The following RPL35A variants were observed in gnomAD, a reference collection of about 807,000 sequenced individuals.
RPL35A encodes the protein large ribosomal subunit protein eL33.
In RPL35A, 1 loss-of-function variant was observed where a neutral mutation model predicts 16.7. The observed-to-expected ratio is 0.06, with a 90% CI of 0.02 to 0.28. The LOEUF is 0.28. Ranked by LOEUF, RPL35A falls within the 10% of genes least tolerant of loss-of-function variation. RPL35A has a pLI of 1.00. For synonymous variants in RPL35A, 58 were observed against 47.0 expected (o/e 1.23, Z -0.96); for missense variants, 91 against 138.7 (o/e 0.66, Z 1.73).
chr3:197,950,723 A>C, intron 1 of RPL35A: 1 of 589,962 alleles, frequency 1.7e-6, no homozygotes, highest in Non-Finnish European at 3.0e-6. Context: ...TTTTGTCTTC[A>C]TTCTGAAGTT....
At chr3:197,953,526 G>A (rs550681638) in intron 3 of RPL35A, 8 of 457,082 alleles carry the variant, frequency 1.8e-5, no homozygotes, top group African/African-American at 1.6e-4. Context: ...CTTTCTTCCG[G>A]CCAGGACACA....
intron 4 of RPL35A, among the ~76,000 whole-genome samples, chr3:197,954,883 AC>A (rs1201580788): frequency 1.3e-5 from 2 of 152,324 alleles, no homozygotes; most frequent in East Asian, 3.9e-4. Flanking sequence ...TTCAACAGTT[AC>A]GCCTGGCATA....
chr3:197,953,772 G>A, intron 3 of RPL35A: 1 of 594,222 alleles, frequency 1.7e-6, no homozygotes, highest in East Asian at 2.9e-5. Context: ...AAACTTACTT[G>A]GTTATCATGT....
chr3:197,954,585 C>G, intron 4 of RPL35A: 1 of 259,338 alleles, frequency 3.9e-6, no homozygotes, highest in Non-Finnish European at 7.6e-6. Context: ...TCTCAGCTTG[C>G]TGCTACCTTT....
At chr3:197,955,322 G>A (rs1390287849) in intron 4 of RPL35A, among the ~76,000 whole-genome samples, 1 of 151,386 alleles carries the variant, frequency 6.6e-6, no homozygotes, top group Non-Finnish European at 1.5e-5. Flanking sequence ...AGGCTGGAGT[G>A]CAGTGGTGGG....
intron 4 of RPL35A, 96 bp from the exon 5 acceptor site, chr3:197,955,654 T>C: frequency 9.2e-7 from 1 of 1,087,904 alleles, no homozygotes; most frequent in Non-Finnish European, 1.4e-6. Context: ...AACATGTAAT[T>C]GGTAGCCTTT....
Position 197,955,793 on chromosome 3 carries a change from A to G in RPL35A, c.*20A>G, listed in dbSNP as rs747121376. 1.3e-6 allele frequency: 2 copies of G among 1,585,084 alleles called. No individual in the cohort carries two copies. The highest frequency in any genetic ancestry group is 1.7e-6 in the Non-Finnish European group (2 of 1,155,454). Reference sequence around the variant, plus strand: ...ATTTAAACTAACGAAAAATCAATAAATAAATGTGGATTTGTGCTCTTGTAT... The same window carrying G: ...ATTTAAACTAACGAAAAATCAATAAGTAAATGTGGATTTGTGCTCTTGTAT... On this transcript the variant is annotated 3_prime_UTR_variant, in exon 5 of 5. Coordinates refer to ENST00000647248, the MANE Select transcript of RPL35A (RefSeq NM_000996.4).
intron 3 of RPL35A, among the ~76,000 whole-genome samples, chr3:197,952,361 G>A (rs957033700): frequency 6.6e-6 from 1 of 151,488 alleles, no homozygotes; most frequent in East Asian, 1.9e-4. Context: ...GTAGAGATGG[G>A]GTTTCACCAT....
chr3:197,953,832 A>G (rs771947010), intron 3 of RPL35A, 171 bp from the exon 4 acceptor site: 1 of 689,374 alleles, frequency 1.5e-6, no homozygotes, highest in African/African-American at 1.8e-5. Context: ...GGCCTGGCAT[A>G]CAATAGTTAC....
At chr3:197,953,778 C>T in intron 3 of RPL35A, 1 of 601,480 alleles carries the variant, frequency 1.7e-6, no homozygotes, top group Non-Finnish European at 3.0e-6. Context: ...ACTTGGTTAT[C>T]ATGTGAAAGA....
intron 3 of RPL35A, among the ~76,000 whole-genome samples, chr3:197,953,255 T>G (rs976467004): frequency 2.0e-5 from 3 of 152,216 alleles, no homozygotes; most frequent in Non-Finnish European, 4.4e-5. Context: ...CTCACACTTG[T>G]AGCCCCAGCA....
rs541454864 is a variant in RPL35A at position 197,951,154 on chromosome 3, C to G, written c.12-5C>G. The G allele has an allele frequency of 4.1e-5, 66 of 1,614,038 alleles. No individual in the cohort carries two copies. The Middle Eastern group carries it at 2.0e-3, about 49-fold the overall frequency. On this transcript the variant is annotated splice_polypyrimidine_tract_variant and splice_region_variant and intron_variant, in intron 2 of 4. Transcript: ENST00000647248. ...GTTTCATGTTGTGTATCTTTTGTGT[C>G]TTAGGCTGTGGTCCAAGGCCATTTT...
chr3:197,955,996 T>A lies in RPL35A; in HGVS notation c.*223T>A. 1 of 537,950 alleles carries A rather than the reference T, an allele frequency of 1.9e-6. No homozygotes were observed. Among genetic ancestry groups the A allele is most frequent in the East Asian group, 3.3e-5 (1 of 30,308 alleles). 33.3% of individuals were successfully genotyped at this position (537,950 alleles called of 1,614,324 possible). A position where few individuals can be genotyped will look rare whatever the true frequency, so the allele number is the denominator to read the frequency against. On this transcript the variant is annotated 3_prime_UTR_variant, in exon 5 of 5. Transcript: ENST00000647248. ...TTTAATGCGAGTATCTTTGACAGAG[T>A]CTTGCTCTGTTGCCCATGCTGGAGT...
Position 197,952,074 on chromosome 3 carries a change from AT to A in RPL35A, c.164+771del, listed in dbSNP as rs561471728. Among the ~76,000 whole-genome samples, 3 of 148,178 alleles carry A rather than the reference AT, an allele frequency of 2.0e-5. No homozygotes were observed. In the Admixed American group the frequency reaches 2.0e-4, roughly 10 times the overall value. ...TATTGTGATCCTTTTAAGGTTTCTA[AT>A]TTTTTTTCTCGGCTCCTTTTGCCAG... On this transcript the variant is annotated intron_variant, in intron 3 of 4. Transcript: ENST00000647248.
intron 4 of RPL35A, 103 bp downstream of exon 4, chr3:197,954,250 A>C: frequency 8.4e-7 from 1 of 1,192,622 alleles, no homozygotes; most frequent in Admixed American, 1.9e-5. Context: ...AATTGACACC[A>C]GTAAATTATG....
intron 3 of RPL35A, chr3:197,951,673 TAAAC>T (rs772610776): frequency 3.3e-5 from 8 of 243,814 alleles, no homozygotes; most frequent in Middle Eastern, 1.6e-3. Flanking sequence ...ATTGAAATAA[TAAAC>T]AAAAGATTTA....
In RPL35A at chr3:197,955,779, C is replaced by T. The variant is rs116874993; in HGVS notation, c.*6C>T. ...TGTACCCCTCAAGGATTTAAACTAA[C>T]GAAAAATCAATAAATAAATGTGGAT... is the stretch of plus-strand genomic sequence containing the variant. On this transcript the variant is annotated 3_prime_UTR_variant, in exon 5 of 5. Coordinates refer to ENST00000647248, the MANE Select transcript of RPL35A (RefSeq NM_000996.4). 2.5e-4 allele frequency: 407 copies of T among 1,600,170 alleles called. 3 individuals are homozygous for T. In the East Asian group the frequency reaches 8.0e-3, roughly 32 times the overall value.
chr3:197,951,548 T>C (rs1449880593), intron 3 of RPL35A: 1 of 487,362 alleles, frequency 2.1e-6, no homozygotes, highest in African/African-American at 2.0e-5. Context: ...AGACAGGGTA[T>C]TGCCATGTTG....
intron 3 of RPL35A, chr3:197,951,513 C>G: frequency 1.7e-6 from 1 of 575,766 alleles, no homozygotes; most frequent in Non-Finnish European, 3.1e-6. Flanking sequence ...CCACCACGCC[C>G]GGCTAGTTTT....
Sources: gnomAD v4.1 joint callset for allele counts (sites outside exome capture counted in the v4.1 genomes callset) on GRCh38, gnomAD v4.1.1 for gene constraint, MANE v1.5 for transcripts, NCBI Gene and HGNC (gene_info 2026-07-23, HGNC 2026-07-21) for gene names.